The following CEP170B variants were observed in gnomAD, a reference collection of about 807,000 sequenced individuals.
CEP170B encodes the protein centrosomal protein 170B.
Under a neutral mutation model 120.6 loss-of-function variants are expected in CEP170B, and 55 were observed. The observed-to-expected ratio is 0.46, with a 90% CI of 0.37 to 0.57. CEP170B has a LOEUF of 0.57. Ranked by LOEUF, CEP170B falls within the 20% of genes least tolerant of loss-of-function variation. The pLI, the probability that CEP170B is intolerant of heterozygous loss-of-function variation, is 0.00. For missense variants in CEP170B, 2,212 were observed against 2,253.3 expected (o/e 0.98, Z 0.37); for synonymous variants, 1,033 against 954.5 (o/e 1.08, Z -1.52).
chr14:104,869,910 C>G (rs1895386509), intron 2 of CEP170B, among the ~76,000 whole-genome samples: 1 of 152,194 alleles, frequency 6.6e-6, no homozygotes, highest in South Asian at 2.1e-4. Context: ...TGGACTAAGT[C>G]CAGACATCCC....
chr14:104,870,799 G>A lies in CEP170B; in HGVS notation c.105+2244G>A, dbSNP rs983710911. ...GGGTGGGCCTGCATTTCTACCCCTCGCTGTTGTGGGTGGTGTCACCATTGT... is the reference window on the plus strand; with the variant it reads ...GGGTGGGCCTGCATTTCTACCCCTCACTGTTGTGGGTGGTGTCACCATTGT... On this transcript the variant is annotated intron_variant, in intron 2 of 18. Coordinates refer to ENST00000414716, the MANE Select transcript of CEP170B (RefSeq NM_001112726.3). The surrounding 1 kb of genome is among the most constrained non-coding windows in gnomAD (Gnocchi z 4.1). Among the ~76,000 whole-genome samples the A allele has an allele frequency of 4.6e-5, 7 of 152,146 alleles. No homozygotes were observed. The South Asian group carries it at 6.2e-4, about 14-fold the overall frequency.
intron 13 of CEP170B, among the ~76,000 whole-genome samples, chr14:104,890,250 G>GTGGATGGA (rs1156848046): frequency 4.8e-4 from 59 of 124,208 alleles, no homozygotes; most frequent in African/African-American, 1.8e-3. Context: ...GGGTGGGTGG[G>GTGGATGGA]TGGATGGATG....
rs1487691599 is a variant in CEP170B, at chr14:104,894,937, T to C, written c.4644T>C (p.Asp1548=). 1 of 1,589,846 alleles carries C rather than the reference T, an allele frequency of 6.3e-7. No homozygotes were observed. The highest frequency in any genetic ancestry group is 1.1e-5 in the South Asian group (1 of 88,292). Residue 1548 remains aspartate (D), a synonymous_variant, in exon 19 of 19, where the codon GAT becomes GAC. Transcript: ENST00000414716. The part of the protein sequence containing the change: ...PSLPDPTFLP[D]AERFLI ...TCCCGGACCCCACCTTCCTCCCTGA[T>C]GCCGAGAGGTTCCTGATCTAGGCCC...
intron 10 of CEP170B, 65 bp downstream of exon 10, chr14:104,885,607 C>T: frequency 6.7e-7 from 1 of 1,498,712 alleles, no homozygotes; most frequent in Non-Finnish European, 8.8e-7. Flanking sequence ...CCAAGCCGGA[C>T]CTGGGGTCAG....
chr14:104,872,234 CGTGTGTGCGTGTGTGTGCCAT>C (rs1460023877), intron 2 of CEP170B, among the ~76,000 whole-genome samples: 4 of 104,050 alleles, frequency 3.8e-5, no homozygotes, highest in Admixed American at 1.2e-4. Context: ...GTGTGCCGTG[CGTGTGTGCGTGTGTGTGCCAT>C]GTGTGTGCGT....
In CEP170B at chr14:104,868,504, C is replaced by T; in HGVS notation, c.54C>T (p.Leu18=). 6.5e-7 allele frequency: 1 copy of T among 1,549,634 alleles called. No individual in the cohort carries two copies. Residue 18 remains leucine (L), a synonymous_variant, in exon 2 of 19, where the codon CTC becomes CTT. Coordinates refer to ENST00000414716, the MANE Select transcript of CEP170B (RefSeq NM_001112726.3). This position sits in a 1 kb window ranked among gnomAD's most constrained non-coding sequence, Gnocchi z 5.9. ...LVSSSGARHR[L]PRELIFVGRE... The stretch of plus-strand genomic sequence containing the variant: ...GCAGCAGCGGCGCCCGCCACCGGCT[C>T]CCTCGGGAGCTCATCTTCGTGGGGC...
chr14:104,886,621 C>T lies in CEP170B; in HGVS notation c.2382C>T (p.Pro794=), dbSNP rs201937375. 104 of 1,521,970 alleles carry T rather than the reference C, an allele frequency of 6.8e-5. No individual in the cohort carries two copies. In the East Asian group the frequency reaches 2.1e-3, roughly 31 times the overall value. 94.3% of individuals were successfully genotyped at this position (1,521,970 alleles called of 1,614,324 possible). A position where few individuals can be genotyped will look rare whatever the true frequency, so the allele number is the denominator to read the frequency against. The change falls in exon 12 of 19, where the codon CCC becomes CCT. Residue 794 remains proline, a synonymous_variant. Transcript: ENST00000414716. ...RSPRAPGEPT[P]ASFFIGDQNG... is the part of the protein sequence containing the mutation. ...CAAGGGCCCCCGGGGAGCCAACTCC[C>T]GCCTCTTTCTTCATTGGGGACCAGA...
At chr14:104,873,027 C>T (rs1027097379) in intron 2 of CEP170B, among the ~76,000 whole-genome samples, 8 of 151,910 alleles carry the variant, frequency 5.3e-5, no homozygotes, top group African/African-American at 1.7e-4. Flanking sequence ...GGGCCGGGGG[C>T]CACTTCTCAT....
At position 104,887,759 on chromosome 14, in the gene CEP170B, C is replaced by G; in HGVS notation, c.3520C>G (p.Arg1174Gly). The change falls in exon 12 of 19, where the codon CGG becomes GGG. Residue 1174 changes from arginine to glycine, a missense_variant. Arg to Gly is a moderately radical substitution (Grantham distance 125, BLOSUM62 -2). Coordinates refer to ENST00000414716, the MANE Select transcript of CEP170B (RefSeq NM_001112726.3). ...ACGCCTGGACATCCTGGCCATGCCC[C>G]GGAAGCGGGCCGGCTCCTTCACAGG... ...LSRLDILAMP[R>G]KRAGSFTGTS... 3 of 1,579,374 alleles carry G rather than the reference C, an allele frequency of 1.9e-6. No individual in the cohort carries two copies. Among genetic ancestry groups the G allele is most frequent in the Non-Finnish European group, 2.6e-6 (3 of 1,164,040 alleles).
At position 104,868,401 on chromosome 14, in the gene CEP170B, T is replaced by G. The variant is rs1456437453; in HGVS notation, c.-27-23T>G. 6.6e-7 allele frequency: 1 copy of G among 1,515,968 alleles called. No homozygotes were observed. The highest frequency in any genetic ancestry group is 8.9e-7 in the Non-Finnish European group (1 of 1,120,126). 93.9% of individuals were successfully genotyped at this position (1,515,968 alleles called of 1,614,324 possible). On this transcript the variant is annotated intron_variant, in intron 1 of 18. Coordinates refer to ENST00000414716, the MANE Select transcript of CEP170B (RefSeq NM_001112726.3). This position sits in a 1 kb window ranked among gnomAD's most constrained non-coding sequence, Gnocchi z 5.9. ...TAAGAACCAGGCCAGGGAGCCCCAC[T>G]CTAACAATCCCCTCTTCCCCAGGGC...
intron 2 of CEP170B, among the ~76,000 whole-genome samples, chr14:104,871,348 C>A (rs1054703343): frequency 6.6e-6 from 1 of 152,006 alleles, no homozygotes; most frequent in Admixed American, 6.5e-5. Context: ...CCGGGGTCCC[C>A]GCCAGGGTCC....
At chr14:104,894,255 C>G in intron 16 of CEP170B, 30 bp from the exon 17 acceptor site, 2 of 1,519,756 alleles carry the variant, frequency 1.3e-6, no homozygotes, top group Non-Finnish European at 1.8e-6. Context: ...TCCTTGTCCC[C>G]CCATTTCTGC....
At chr14:104,890,003 T>G (rs965143855) in intron 13 of CEP170B, among the ~76,000 whole-genome samples, 2 of 11,734 alleles carry the variant, frequency 1.7e-4, no homozygotes, top group Non-Finnish European at 3.2e-4. Context: ...GATAGGAGGG[T>G]GGGTGGGTGG....
At position 104,895,173 on chromosome 14, in the gene CEP170B, G is replaced by T. The variant is rs567576571; in HGVS notation, c.*215G>T. On this transcript the variant is annotated 3_prime_UTR_variant, in exon 19 of 19. Transcript: ENST00000414716. ...CAGCCCCATGGCCACCCCCACCCCT[G>T]CCTCGCCCCCTACAGGCCTCTGGGC... 9.9e-4 allele frequency: 532 copies of T among 539,144 alleles called. 3 individuals carry two copies. Among genetic ancestry groups the T allele is most frequent in the African/African-American group, 8.7e-3 (442 of 51,038 alleles). The allele number at this position is 539,144 out of a possible 1,614,324, so 33.4% of individuals were successfully genotyped here.
At chr14:104,871,112 C>T (rs767203442) in intron 2 of CEP170B, among the ~76,000 whole-genome samples, 2 of 152,056 alleles carry the variant, frequency 1.3e-5, no homozygotes, top group Non-Finnish European at 2.9e-5. Context: ...TGCGCCAGGA[C>T]CCCCGCCCTC....
chr14:104,883,239 CT>C lies in CEP170B; in HGVS notation c.783del (p.Val262TrpfsTer20). On this transcript the variant is annotated frameshift_variant, in exon 8 of 19. Coordinates refer to ENST00000414716, the MANE Select transcript of CEP170B (RefSeq NM_001112726.3). LOFTEE classifies it high-confidence loss of function. ...DAEAGGGGAA[P>X]VVQSHASFTI... is the part of the protein sequence containing the mutation. ...GAGGCAGGTGGGGGCGGAGCGGCCC[CT>C]GTGGTGCAGAGCCACGCCTCCTTCA... is the stretch of plus-strand genomic sequence containing the variant. 1 of 1,611,476 alleles carries C rather than the reference CT, an allele frequency of 6.2e-7. No individual in the cohort carries two copies. The highest frequency in any genetic ancestry group is 8.5e-7 in the Non-Finnish European group (1 of 1,179,552).
At position 104,894,904 on chromosome 14, in the gene CEP170B, T is replaced by C; in HGVS notation, c.4611T>C (p.Pro1537=). Residue 1537 remains proline, a synonymous_variant, in exon 19 of 19, where the codon CCT becomes CCC. Transcript: ENST00000414716. Reference sequence around the variant, plus strand: ...TCCCACAGCGGGCCAGCTGTGGGCCTCCCAGCCTCCCGGACCCCACCTTCC... The same window carrying C: ...TCCCACAGCGGGCCAGCTGTGGGCCCCCCAGCCTCCCGGACCCCACCTTCC... ...RNFPQRASCG[P]PSLPDPTFLP... The C allele has an allele frequency of 6.3e-7, 1 of 1,597,682 alleles. No individual in the cohort carries two copies. Among genetic ancestry groups the C allele is most frequent in the Non-Finnish European group, 8.5e-7 (1 of 1,172,956 alleles).
chr14:104,869,312 G>A (rs1895352727), intron 2 of CEP170B, among the ~76,000 whole-genome samples: 1 of 152,196 alleles, frequency 6.6e-6, no homozygotes, highest in South Asian at 2.1e-4. Context: ...TGACCCAGGT[G>A]GATGGCACTG....
Position 104,894,385 on chromosome 14 carries a change from G to T in CEP170B, c.4365+7G>T, listed in dbSNP as rs2582536. 6.2e-7 allele frequency: 1 copy of T among 1,612,796 alleles called. No individual in the cohort carries two copies. The highest frequency in any genetic ancestry group is 1.7e-5 in the Admixed American group (1 of 60,010). The stretch of plus-strand genomic sequence containing the variant: ...CCTGAAGACATCTAACAAGGTGAGC[G>T]CTGGGGCCCCGTGCCCCTTGGCCTG... On this transcript the variant is annotated splice_region_variant and intron_variant, in intron 17 of 18. Coordinates refer to ENST00000414716, the MANE Select transcript of CEP170B (RefSeq NM_001112726.3).
Sources: allele counts gnomAD v4.1 joint callset (sites outside exome capture counted in the v4.1 genomes callset), GRCh38; gene constraint gnomAD v4.1.1; non-coding constraint Gnocchi (gnomAD v3.1); transcripts MANE v1.5; gene names NCBI Gene and HGNC (gene_info 2026-07-23, HGNC 2026-07-21).